ADGRL3: variants seen among roughly 807,000 people sequenced by gnomAD.
ADGRL3 encodes calcium-independent alpha-latrotoxin receptor 3.
ADGRL3 carries 62 observed loss-of-function variants against 153.5 expected under a neutral mutation model. The observed-to-expected ratio is 0.40, with a 90% confidence interval of 0.33 to 0.50. The LOEUF (loss-of-function observed/expected upper bound fraction) is 0.50, where lower values mean the gene tolerates loss of function less well. Among genes scored for constraint, ADGRL3 ranks in the 20% least tolerant of loss-of-function variants. The probability of loss-of-function intolerance (pLI) is 0.47; values close to 1 mark genes in which losing one functional copy is unlikely to be tolerated. For synonymous variants in ADGRL3, 710 were observed against 672.5 expected (o/e 1.06, Z -0.86); for missense variants, 1,641 against 1,859.4 (o/e 0.88, Z 2.16).
intron 5 of ADGRL3, among the ~76,000 whole-genome samples, chr4:61,593,611 A>G (rs1462236991): frequency 3.3e-5 from 5 of 151,848 alleles, no homozygotes; most frequent in Admixed American, 3.3e-4. Flanking sequence ...ATGTCATGCC[A>G]TTCTCTCCTG....
chr4:61,779,259 A>G (rs1371750720), intron 8 of ADGRL3, among the ~76,000 whole-genome samples: 1 of 152,004 alleles, frequency 6.6e-6, no homozygotes, highest in East Asian at 1.9e-4. Flanking sequence ...TTTTTTAAGG[A>G]CTGTTACAAA....
chr4:61,255,474 T>C (rs1166176178), intron 1 of ADGRL3, among the ~76,000 whole-genome samples: 2 of 152,202 alleles, frequency 1.3e-5, no homozygotes, highest in Admixed American at 6.5e-5. Context: ...ATCTTCCACA[T>C]TGCGAAGCTA....
At chr4:61,485,777 C>G (rs75612922) in intron 2 of ADGRL3, among the ~76,000 whole-genome samples, 1 of 152,138 alleles carries the variant, frequency 6.6e-6, no homozygotes, top group Non-Finnish European at 1.5e-5. Flanking sequence ...TACTTAGAAA[C>G]TGTCATTGTT....
intron 5 of ADGRL3, among the ~76,000 whole-genome samples, chr4:61,639,930 T>C (rs1463594367): frequency 6.6e-6 from 1 of 152,148 alleles, no homozygotes; most frequent in South Asian, 2.1e-4. Context: ...CTATATTTCA[T>C]AGAGGCTAAC....
chr4:61,314,385 T>A (rs925526216), intron 1 of ADGRL3, among the ~76,000 whole-genome samples: 12 of 152,116 alleles, frequency 7.9e-5, no homozygotes, highest in African/African-American at 2.9e-4. Flanking sequence ...AATTCTGTAT[T>A]TTTAGTAGAG....
chr4:61,784,901 A>G (rs948445797), intron 8 of ADGRL3, among the ~76,000 whole-genome samples: 5 of 152,186 alleles, frequency 3.3e-5, no homozygotes, highest in Admixed American at 3.3e-4. Context: ...TGGGAAAATT[A>G]CTGAGCCTTT....
intron 9 of ADGRL3, among the ~76,000 whole-genome samples, chr4:61,861,185 AT>A (rs1271022408): frequency 6.6e-6 from 1 of 152,186 alleles, no homozygotes; most frequent in Admixed American, 6.5e-5. Flanking sequence ...GTATATCATG[AT>A]TGTTAAAAGC....
At chr4:61,949,869 A>G (rs775310439) in intron 17 of ADGRL3, among the ~76,000 whole-genome samples, 4 of 152,186 alleles carry the variant, frequency 2.6e-5, no homozygotes, top group Non-Finnish European at 5.9e-5. Flanking sequence ...AAAAGCACTC[A>G]TAGCTTCAAC....
intron 6 of ADGRL3, among the ~76,000 whole-genome samples, chr4:61,703,815 C>G (rs1296866591): frequency 6.6e-6 from 1 of 151,736 alleles, no homozygotes; most frequent in Non-Finnish European, 1.5e-5. Context: ...TTATATGTTC[C>G]TTCTGTTGTT....
intron 5 of ADGRL3, among the ~76,000 whole-genome samples, chr4:61,632,160 T>C (rs920920254): frequency 6.6e-6 from 1 of 152,348 alleles, no homozygotes; most frequent in East Asian, 1.9e-4. Context: ...CTAATTTTAT[T>C]ATTTCAGTCA....
intron 1 of ADGRL3, among the ~76,000 whole-genome samples, chr4:61,254,226 C>A (rs2091748772): frequency 6.6e-6 from 1 of 152,108 alleles, no homozygotes; most frequent in African/African-American, 2.4e-5. Context: ...CAATTCACTT[C>A]CATCTTCTAG....
At chr4:61,363,380 T>C (rs2096328071) in intron 1 of ADGRL3, among the ~76,000 whole-genome samples, 1 of 152,050 alleles carries the variant, frequency 6.6e-6, no homozygotes, top group Non-Finnish European at 1.5e-5. Context: ...GTAGAGTTTG[T>C]TCTTCATTTA....
At chr4:61,431,214 C>T (rs1167589195) in intron 2 of ADGRL3, among the ~76,000 whole-genome samples, 6 of 152,152 alleles carry the variant, frequency 3.9e-5, no homozygotes, top group Non-Finnish European at 4.4e-5. Context: ...TGTGAGGAAT[C>T]GGAAATAAAT....
At chr4:61,848,863 A>G (rs1043489613) in intron 9 of ADGRL3, among the ~76,000 whole-genome samples, 1 of 152,072 alleles carries the variant, frequency 6.6e-6, no homozygotes. Context: ...TACACTGAGG[A>G]TTTTCTAAGA....
At chr4:61,821,349 AT>A in intron 9 of ADGRL3, among the ~76,000 whole-genome samples, 1 of 150,202 alleles carries the variant, frequency 6.7e-6, no homozygotes, top group Non-Finnish European at 1.5e-5. Flanking sequence ...TTATTTATTT[AT>A]TTATTTGTTT....
chr4:61,502,612 G>A (rs1313155656), intron 3 of ADGRL3, among the ~76,000 whole-genome samples: 1 of 151,378 alleles, frequency 6.6e-6, no homozygotes, highest in South Asian at 2.1e-4. Flanking sequence ...TTCTTAGTAG[G>A]GACAAAAGAA....
intron 8 of ADGRL3, among the ~76,000 whole-genome samples, chr4:61,769,026 G>A (rs370973597): frequency 6.0e-5 from 9 of 149,462 alleles, no homozygotes; most frequent in Middle Eastern, 3.4e-3. Context: ...GGGACTTGCC[G>A]CTAAGGGTGA....
intron 2 of ADGRL3, among the ~76,000 whole-genome samples, chr4:61,406,733 A>G (rs1484684866): frequency 1.3e-5 from 2 of 152,012 alleles, no homozygotes; most frequent in African/African-American, 2.4e-5. Context: ...CAGATATTTT[A>G]ACTGTAATGT....
intron 2 of ADGRL3, among the ~76,000 whole-genome samples, chr4:61,386,212 C>T (rs2096734473): frequency 6.6e-6 from 1 of 152,012 alleles, no homozygotes; most frequent in Non-Finnish European, 1.5e-5. Context: ...AATACATGAC[C>T]AAGGCAACAT....
Sources: gnomAD v4.1 joint callset for allele counts (sites outside exome capture counted in the v4.1 genomes callset) on GRCh38, gnomAD v4.1.1 for gene constraint, MANE v1.5 for transcripts, NCBI Gene and HGNC (gene_info 2026-07-23, HGNC 2026-07-21) for gene names.